Variants in C1QTNF3 observed in about 807,000 individuals in gnomAD.
The protein encoded by C1QTNF3 is complement C1q tumor necrosis factor-related protein 3.
C1QTNF3 carries 26 observed loss-of-function variants against 32.6 expected under a neutral mutation model. That is an observed-to-expected ratio of 0.80 (90% CI 0.58 to 1.11). C1QTNF3 has a LOEUF of 1.11. Among genes scored for constraint, C1QTNF3 ranks in the 50% least tolerant of loss-of-function variants. The probability of loss-of-function intolerance (pLI) is 0.00; values close to 1 mark genes in which losing one functional copy is unlikely to be tolerated. For synonymous variants in C1QTNF3, 155 were observed against 146.0 expected, an observed-to-expected ratio of 1.06 and a Z score of -0.44; for missense variants, 362 against 398.2, an observed-to-expected ratio of 0.91 and a Z score of 0.77.
the C1QTNF3 span, among the ~76,000 whole-genome samples, chr5:34,218,743 G>A: frequency 1.6e-4 from 24 of 152,026 alleles, no homozygotes; most frequent in Non-Finnish European, 3.2e-4. Flanking sequence ...CTAGGTAAAC[G>A]AGATATTTCA....
chr5:34,076,301 A>AT, the C1QTNF3 span, among the ~76,000 whole-genome samples: 53 of 151,526 alleles, frequency 3.5e-4, no homozygotes, highest in East Asian at 3.8e-4. Flanking sequence ...ACCACAATTA[A>AT]TTTTTTTTAA....
the C1QTNF3 span, among the ~76,000 whole-genome samples, chr5:34,079,424 C>T: frequency 3.3e-5 from 5 of 151,542 alleles, no homozygotes; most frequent in African/African-American, 4.9e-5. Context: ...TTCACCCATT[C>T]GCATTCCTAC....
chr5:34,187,019 G>A, the C1QTNF3 span, among the ~76,000 whole-genome samples: 2 of 152,430 alleles, frequency 1.3e-5, no homozygotes, highest in East Asian at 1.9e-4. Context: ...ACGTGTCAAG[G>A]GTGGGGCCAG....
chr5:34,219,505 C>A, the C1QTNF3 span, among the ~76,000 whole-genome samples: 1 of 151,542 alleles, frequency 6.6e-6, no homozygotes, highest in South Asian at 2.1e-4. Flanking sequence ...TATCTACGTG[C>A]TGCACAAGCA....
the C1QTNF3 span, among the ~76,000 whole-genome samples, chr5:34,213,773 A>ATAGTG: frequency 3.5e-5 from 2 of 57,280 alleles, no homozygotes; most frequent in African/African-American, 5.4e-5. Flanking sequence ...ACACACACAT[A>ATAGTG]CGTGTATATA....
At chr5:34,197,219 C>T in the C1QTNF3 span, among the ~76,000 whole-genome samples, 5 of 152,284 alleles carry the variant, frequency 3.3e-5, no homozygotes, top group African/African-American at 1.2e-4. Context: ...TAAGGAAGTA[C>T]AGCCCCTAAA....
chr5:34,203,081 G>C, the C1QTNF3 span, among the ~76,000 whole-genome samples: 6 of 152,044 alleles, frequency 3.9e-5, no homozygotes, highest in Non-Finnish European at 8.8e-5. Flanking sequence ...AATACTCAAA[G>C]GTGTCCCAAA....
the C1QTNF3 span, among the ~76,000 whole-genome samples, chr5:34,085,217 G>C: frequency 6.7e-6 from 1 of 149,176 alleles, no homozygotes; most frequent in African/African-American, 2.5e-5. Flanking sequence ...GGATGGTCTC[G>C]ATCTCCTGAT....
chr5:34,027,907 G>C (rs1754509437), intron 4 of C1QTNF3, among the ~76,000 whole-genome samples: 1 of 151,796 alleles, frequency 6.6e-6, no homozygotes, highest in African/African-American at 2.4e-5. Context: ...GACACAATCA[G>C]AATGTAGAGT....
the C1QTNF3 span, among the ~76,000 whole-genome samples, chr5:34,225,823 A>C: frequency 2.6e-5 from 4 of 151,668 alleles, no homozygotes; most frequent in Non-Finnish European, 4.4e-5. Context: ...ACTTATCATT[A>C]AAGATTTGGT....
the C1QTNF3 span, among the ~76,000 whole-genome samples, chr5:34,093,964 C>T: frequency 7.9e-5 from 12 of 152,156 alleles, no homozygotes; most frequent in East Asian, 3.9e-4. Context: ...TGTCCATGTG[C>T]CTACTTCTTC....
At chr5:34,026,859 T>C (rs1754472963) in intron 4 of C1QTNF3, among the ~76,000 whole-genome samples, 1 of 152,232 alleles carries the variant, frequency 6.6e-6, no homozygotes, top group Non-Finnish European at 1.5e-5. Flanking sequence ...ATGAAAAATG[T>C]AGCCATGAAT....
chr5:34,019,037 A>G lies in C1QTNF3; in HGVS notation c.*1546T>C, dbSNP rs1413896486. 1.3e-5 allele frequency among the ~76,000 whole-genome samples: 2 copies of G among 152,082 alleles called. No homozygotes were observed. The highest frequency in any genetic ancestry group is 2.9e-5 in the Non-Finnish European group (2 of 68,020). On this transcript the variant is annotated 3_prime_UTR_variant, in exon 6 of 6. Transcript: ENST00000382065. Reference sequence around the variant, plus strand: ...CAGCTACTCAGGAGGCTGAGGTAGGAGAGTCACTTGAACCCAGGAGGCGGA... The same window carrying G: ...CAGCTACTCAGGAGGCTGAGGTAGGGGAGTCACTTGAACCCAGGAGGCGGA...
chr5:34,132,317 G>A, the C1QTNF3 span, among the ~76,000 whole-genome samples: 2 of 151,780 alleles, frequency 1.3e-5, no homozygotes, highest in Admixed American at 1.3e-4. Context: ...CCCAGGAGGC[G>A]GAGGTTACGG....
the C1QTNF3 span, among the ~76,000 whole-genome samples, chr5:34,228,685 C>T: frequency 1.3e-5 from 2 of 151,898 alleles, 1 homozygote; most frequent in South Asian, 4.1e-4. Context: ...ATATCGGTAT[C>T]TGCAAACCAA....
the C1QTNF3 span, among the ~76,000 whole-genome samples, chr5:34,091,932 A>T: frequency 2.5e-5 from 1 of 40,428 alleles, no homozygotes; most frequent in Non-Finnish European, 1.1e-4. Context: ...ATTGTGCTTT[A>T]AAAAAAAAGT....
chr5:34,205,382 G>GT, the C1QTNF3 span, among the ~76,000 whole-genome samples: 5 of 152,140 alleles, frequency 3.3e-5, no homozygotes, highest in Admixed American at 2.6e-4. Flanking sequence ...TTGTCCAATT[G>GT]TAATCGCCAG....
At chr5:34,230,229 C>A in the C1QTNF3 span, among the ~76,000 whole-genome samples, 1 of 152,200 alleles carries the variant, frequency 6.6e-6, no homozygotes, top group Non-Finnish European at 1.5e-5. Context: ...AAGGCCGGGT[C>A]ATGGATTATT....
chr5:34,050,832 C>T, the C1QTNF3 span, among the ~76,000 whole-genome samples: 1 of 152,198 alleles, frequency 6.6e-6, no homozygotes, highest in South Asian at 2.1e-4. Context: ...CATATGTCAG[C>T]TTCTGTCTTC....
Sources: gnomAD v4.1 joint callset for allele counts (sites outside exome capture counted in the v4.1 genomes callset) on GRCh38, gnomAD v4.1.1 for gene constraint, MANE v1.5 for transcripts, NCBI Gene and HGNC (gene_info 2026-07-23, HGNC 2026-07-21) for gene names.